The following GLB1 variants were observed in gnomAD, a reference collection of about 807,000 sequenced individuals.
GLB1 encodes beta-galactosidase.
A neutral mutation model predicts 74.0 loss-of-function variants in GLB1; 56 were observed. That is an observed-to-expected ratio of 0.76 (90% CI 0.61 to 0.94). GLB1 has a LOEUF of 0.94. Among genes scored for constraint, GLB1 ranks in the 40% least tolerant of loss-of-function variants. The pLI is 0.00. For missense variants in GLB1, 787 were observed against 845.5 expected, an observed-to-expected ratio of 0.93 and a Z score of 0.86; for synonymous variants, 323 against 323.6, an observed-to-expected ratio of 1.00 and a Z score of 0.02.
the GLB1 span, among the ~76,000 whole-genome samples, chr3:32,970,857 G>A: frequency 3.3e-5 from 5 of 152,164 alleles, no homozygotes; most frequent in Non-Finnish European, 5.9e-5. Context: ...ATGAATTCTG[G>A]TTTGAGGTTC....
chr3:33,073,620 G>A (rs1211204225), intron 1 of GLB1, among the ~76,000 whole-genome samples: 1 of 151,924 alleles, frequency 6.6e-6, no homozygotes, highest in Non-Finnish European at 1.5e-5. Context: ...CCCGGGAAGC[G>A]GAGGTTGCAG....
At chr3:33,043,709 G>A (rs1201563962) in intron 10 of GLB1, among the ~76,000 whole-genome samples, 1 of 42,448 alleles carries the variant, frequency 2.4e-5, no homozygotes, top group Non-Finnish European at 6.7e-5. Flanking sequence ...ATTATATCCT[G>A]TTTATAAGGG....
rs1696345066 is a variant in GLB1 at position 32,997,240 on chromosome 3, TGG to T, written c.1837_1838del (p.Pro613LysfsTer16). ...VPQHILMTSAPNTITVLELEW... is the reference protein window; with the variant it reads ...VPQHILMTSAXNTITVLELEW... ...CCAGTTCCAGCACGGTGATGGTGTT[TGG>T]GGCCGAGGTCATCAGGATGTGCTGG... On this transcript the variant is annotated frameshift_variant, in exon 16 of 16. Coordinates refer to ENST00000307363, the MANE Select transcript of GLB1 (RefSeq NM_000404.4). LOFTEE classifies it low-confidence loss of function (END_TRUNC). The T allele has an allele frequency of 6.2e-7, 1 of 1,614,182 alleles. No homozygotes were observed. The highest frequency in any genetic ancestry group is 8.5e-7 in the Non-Finnish European group (1 of 1,180,028).
At chr3:33,009,860 C>T (rs1259521501) in intron 15 of GLB1, among the ~76,000 whole-genome samples, 3 of 152,200 alleles carry the variant, frequency 2.0e-5, no homozygotes, top group Admixed American at 1.3e-4. Flanking sequence ...TGGAGTCATA[C>T]AATACATAGC....
At position 33,024,265 on chromosome 3, in the gene GLB1, C is replaced by T. The variant is rs1434889194; in HGVS notation, c.1129G>A (p.Val377Ile). 6.2e-7 allele frequency: 1 copy of T among 1,612,870 alleles called. No individual in the cohort carries two copies. The highest frequency in any genetic ancestry group is 8.5e-7 in the Non-Finnish European group (1 of 1,179,822). Residue 377 changes from valine to isoleucine, a missense_variant, in exon 11 of 16, where the codon GTC becomes ATC. Coordinates refer to ENST00000307363, the MANE Select transcript of GLB1 (RefSeq NM_000404.4). The part of the protein sequence containing the change: ...PSTPKFAYGK[V>I]TLEKLKTVGA... ...TTTTTTCTTACCTTTTCCAAAGTGA[C>T]CTTTCCATATGCAAACTTTGGTGTA...
rs554992274 is a variant in GLB1 at position 33,022,136 on chromosome 3, T to C, written c.1144-481A>G. On this transcript the variant is annotated intron_variant, in intron 11 of 15. Transcript: ENST00000307363. ...CTCCTCTGAACTTGTGTGTGGCATA[T>C]CTTCCATGCCTGTATCACTTTTCAG... Among the ~76,000 whole-genome samples the C allele has an allele frequency of 1.4e-3, 210 of 152,328 alleles. 1 individual carries two copies. The highest frequency in any genetic ancestry group is 2.5e-3 in the Non-Finnish European group (169 of 68,018).
At position 33,066,449 on chromosome 3, in the gene GLB1, C is replaced by T. The variant is rs138844538; in HGVS notation, c.458-892G>A. On this transcript the variant is annotated intron_variant, in intron 4 of 15. Transcript: ENST00000307363. ...TGATGCCCTGTGCCCCCTCAGGACT[C>T]TGCAGAGTCCCCACCAGCAAGAAGG... Among the ~76,000 whole-genome samples the T allele has an allele frequency of 5.9e-4, 90 of 152,312 alleles. 1 individual carries two copies. The highest frequency in any genetic ancestry group is 2.1e-3 in the African/African-American group (87 of 41,568).
intron 1 of GLB1, chr3:33,077,415 A>G: frequency 1.1e-6 from 1 of 952,178 alleles, no homozygotes; most frequent in South Asian, 1.3e-5. Flanking sequence ...AATGAAAGAG[A>G]CACACCTGCT....
At chr3:33,091,140 C>T (rs895937030) in intron 1 of GLB1, 11 of 985,172 alleles carry the variant, frequency 1.1e-5, no homozygotes, top group African/African-American at 1.7e-5. Flanking sequence ...TCACAAAATG[C>T]GGTCGGGACA....
intron 7 of GLB1, 47 bp from the exon 8 acceptor site, chr3:33,052,051 C>T (rs1699016725): frequency 6.2e-7 from 1 of 1,608,128 alleles, no homozygotes; most frequent in Non-Finnish European, 8.5e-7. Flanking sequence ...TTATGACCTT[C>T]CAATGCCAGG....
At chr3:32,967,039 G>T in the GLB1 span, among the ~76,000 whole-genome samples, 1 of 152,178 alleles carries the variant, frequency 6.6e-6, no homozygotes, top group African/African-American at 2.4e-5. Context: ...AATGGTGCAA[G>T]ATGGACTGCT....
chr3:33,087,426 C>T (rs777849876), intron 1 of GLB1, among the ~76,000 whole-genome samples: 10 of 152,074 alleles, frequency 6.6e-5, no homozygotes, highest in Middle Eastern at 6.8e-3. Flanking sequence ...AAAAATTAGC[C>T]GGGTGTGGTG....
At chr3:32,975,731 C>T in the GLB1 span, among the ~76,000 whole-genome samples, 1 of 152,262 alleles carries the variant, frequency 6.6e-6, no homozygotes, top group South Asian at 2.1e-4. Context: ...AAACAGTGAA[C>T]AAGATCAACA....
intron 10 of GLB1, chr3:33,030,847 CTTAAG>C (rs1697974041): frequency 2.0e-6 from 2 of 984,650 alleles, no homozygotes; most frequent in Non-Finnish European, 2.4e-6. Flanking sequence ...TAAAATGGGT[CTTAAG>C]TTGATTTGAC....
At chr3:32,981,415 AAG>A in the GLB1 span, among the ~76,000 whole-genome samples, 7 of 144,612 alleles carry the variant, frequency 4.8e-5, no homozygotes, top group Non-Finnish European at 6.1e-5. Context: ...AAAAAAAAAA[AAG>A]AAAAAGAAAA....
At position 33,073,849 on chromosome 3, in the gene GLB1, AAAAC is replaced by A. The variant is rs373254018; in HGVS notation, c.76-1140_76-1137del. ...TTCAGCGAGGCCTCGTCTCTACAAAAAAACAAACAAACAAACAAACAAAAATTAA... is the reference window on the plus strand; with the variant it reads ...TTCAGCGAGGCCTCGTCTCTACAAAAAAACAAACAAACAAACAAAAATTAA... On this transcript the variant is annotated intron_variant, in intron 1 of 15. Transcript: ENST00000307363. Among the ~76,000 whole-genome samples, 60 of 151,638 alleles carry A rather than the reference AAAAC, an allele frequency of 4.0e-4. No individual in the cohort carries two copies. In the South Asian group the frequency reaches 6.5e-3, roughly 16 times the overall value.
At chr3:33,070,111 A>G (rs971383483) in intron 2 of GLB1, among the ~76,000 whole-genome samples, 1 of 152,164 alleles carries the variant, frequency 6.6e-6, no homozygotes, top group Non-Finnish European at 1.5e-5. Flanking sequence ...AGCTGCATCC[A>G]GTTTGCTGTA....
intron 2 of GLB1, 75 bp downstream of exon 2, chr3:33,072,469 T>G (rs1699919756): frequency 1.2e-6 from 2 of 1,601,044 alleles, no homozygotes; most frequent in Middle Eastern, 2.3e-4. Context: ...ATAGCCACCC[T>G]GAGAAATACA....
the GLB1 span, among the ~76,000 whole-genome samples, chr3:32,982,905 T>G: frequency 3.3e-5 from 5 of 152,192 alleles, no homozygotes; most frequent in Admixed American, 2.0e-4. Flanking sequence ...TTTGTTTCCT[T>G]TCAGTATATT....
Sources: gnomAD v4.1 joint callset for allele counts (sites outside exome capture counted in the v4.1 genomes callset) on GRCh38, gnomAD v4.1.1 for gene constraint, MANE v1.5 for transcripts, NCBI Gene and HGNC (gene_info 2026-07-23, HGNC 2026-07-21) for gene names.